Variants in ACMSD observed in about 807,000 individuals in gnomAD.
ACMSD encodes 2-amino-3-carboxymuconate-6-semialdehyde decarboxylase.
ACMSD carries 37 observed loss-of-function variants against 45.9 expected under a neutral mutation model. The ratio of observed to expected loss-of-function variants is 0.81; its 90% CI spans 0.62 to 1.06. The LOEUF (loss-of-function observed/expected upper bound fraction) is 1.06, where lower values mean the gene tolerates loss of function less well. Among genes scored for constraint, ACMSD ranks in the 50% least tolerant of loss-of-function variants. ACMSD has a pLI of 0.00. For synonymous variants in ACMSD, 138 were observed against 148.8 expected (o/e 0.93, Z 0.53); for missense variants, 434 against 420.9 (o/e 1.03, Z -0.27).
chr2:134,864,425 C>G (rs913430597), intron 5 of ACMSD, among the ~76,000 whole-genome samples: 1 of 152,104 alleles, frequency 6.6e-6, no homozygotes, highest in Non-Finnish European at 1.5e-5. Context: ...GCCACTGTTA[C>G]CATACATAGT....
chr2:134,895,178 C>T (rs572758575), intron 8 of ACMSD, among the ~76,000 whole-genome samples: 2 of 151,702 alleles, frequency 1.3e-5, no homozygotes, highest in South Asian at 2.1e-4. Context: ...TGGTGGCATG[C>T]ACCTGTAATC....
intron 9 of ACMSD, among the ~76,000 whole-genome samples, chr2:134,898,754 T>C (rs976208053): frequency 6.6e-5 from 10 of 152,184 alleles, no homozygotes; most frequent in South Asian, 6.2e-4. Flanking sequence ...ATATTACTTC[T>C]GTTACAAATC....
Position 134,867,672 on chromosome 2 carries a change from G to A in ACMSD, c.580G>A (p.Gly194Arg). The A allele has an allele frequency of 2.5e-6, 4 of 1,613,024 alleles. No homozygotes were observed. Among genetic ancestry groups the A allele is most frequent in the Non-Finnish European group, 3.4e-6 (4 of 1,179,344 alleles). ...CAAATACTGGCTCCCTTGGCTTGTAGGTTTGTGTCTGTGTGGGGTCTGGAA... is the reference window on the plus strand; with the variant it reads ...CAAATACTGGCTCCCTTGGCTTGTAAGTTTGTGTCTGTGTGGGGTCTGGAA... ...MAKYWLPWLV[G>R]MPAETTIAIC... Residue 194 changes from glycine (G) to arginine (R), a missense_variant and splice_region_variant, in exon 6 of 10, where the codon GGA (glycine) becomes AGA (arginine). Coordinates refer to ENST00000356140, the MANE Select transcript of ACMSD (RefSeq NM_138326.3).
At chr2:134,891,614 G>C (rs745691468) in intron 8 of ACMSD, among the ~76,000 whole-genome samples, 4 of 152,088 alleles carry the variant, frequency 2.6e-5, no homozygotes, top group Non-Finnish European at 4.4e-5. Context: ...CAAAGAAAAT[G>C]CTTATACACT....
chr2:134,841,998 A>G (rs1265935244), intron 1 of ACMSD, among the ~76,000 whole-genome samples: 1 of 152,174 alleles, frequency 6.6e-6, no homozygotes, highest in African/African-American at 2.4e-5. Context: ...GACATTAACA[A>G]TGTCATTCAG....
intron 2 of ACMSD, among the ~76,000 whole-genome samples, chr2:134,851,057 T>C (rs1055456353): frequency 2.0e-5 from 3 of 152,238 alleles, no homozygotes; most frequent in Non-Finnish European, 4.4e-5. Flanking sequence ...TGTTTGGTTT[T>C]CTGTTCCTGT....
At chr2:134,853,759 G>A (rs1248728235) in intron 2 of ACMSD, among the ~76,000 whole-genome samples, 1 of 152,070 alleles carries the variant, frequency 6.6e-6, no homozygotes, top group African/African-American at 2.4e-5. Context: ...CTGCTCTGCA[G>A]TGATTTTTAC....
chr2:134,852,038 G>A (rs1687369557), intron 2 of ACMSD, among the ~76,000 whole-genome samples: 1 of 152,100 alleles, frequency 6.6e-6, no homozygotes, highest in Non-Finnish European at 1.5e-5. Flanking sequence ...GTTTAAAGCT[G>A]GATGAATCGG....
chr2:134,888,182 T>C (rs1044950150), intron 8 of ACMSD, among the ~76,000 whole-genome samples: 13 of 152,142 alleles, frequency 8.5e-5, no homozygotes, highest in African/African-American at 3.1e-4. Flanking sequence ...TGATGAAAAG[T>C]CCAACAATCC....
intron 1 of ACMSD, among the ~76,000 whole-genome samples, chr2:134,840,178 AAAAAAAAAAAAAAAAC>A (rs1686724286): frequency 7.1e-6 from 1 of 141,776 alleles, no homozygotes; most frequent in Admixed American, 7.3e-5. Flanking sequence ...AAAAAAAAAA[AAAAAAAAAAAAAAAAC>A]CACTAATTCC....
chr2:134,878,572 C>T (rs1309175101), intron 8 of ACMSD, among the ~76,000 whole-genome samples: 1 of 152,152 alleles, frequency 6.6e-6, no homozygotes, highest in Admixed American at 6.5e-5. Context: ...AGTGATCCAC[C>T]CACCTCAGCC....
At position 134,863,466 on chromosome 2, in the gene ACMSD, C is replaced by A. The variant is rs529706023; in HGVS notation, c.321C>A (p.Tyr107Ter). 4.3e-6 allele frequency: 7 copies of A among 1,614,124 alleles called. No individual in the cohort carries two copies. Among genetic ancestry groups the A allele is most frequent in the African/African-American group, 4.0e-5 (3 of 74,944 alleles). ...ACCTTGCCAGCACCGTTGTGAGCTACCCCAGGAGGTTCGTGGGTCTGGGGA... is the reference window on the plus strand; with the variant it reads ...ACCTTGCCAGCACCGTTGTGAGCTAACCCAGGAGGTTCGTGGGTCTGGGGA... The part of the protein sequence containing the change: ...NNDLASTVVS[Y>*]PRRFVGLGTL... Residue 107 changes from tyrosine to a stop codon, truncating the protein, a stop_gained, in exon 5 of 10, where the codon TAC (tyrosine) becomes TAA (stop). Coordinates refer to ENST00000356140, the MANE Select transcript of ACMSD (RefSeq NM_138326.3). LOFTEE classifies it high-confidence loss of function.
At chr2:134,874,575 GA>G (rs1688636328) in intron 8 of ACMSD, among the ~76,000 whole-genome samples, 4 of 152,090 alleles carry the variant, frequency 2.6e-5, no homozygotes, top group Admixed American at 1.3e-4. Context: ...TGGAACTGAT[GA>G]ATTATTTGAT....
At chr2:134,882,107 G>A (rs1475277987) in intron 8 of ACMSD, among the ~76,000 whole-genome samples, 1 of 152,156 alleles carries the variant, frequency 6.6e-6, no homozygotes, top group Non-Finnish European at 1.5e-5. Flanking sequence ...GGTACAGTGA[G>A]ACTTGGTCTC....
intron 5 of ACMSD, among the ~76,000 whole-genome samples, chr2:134,866,991 C>T (rs536016638): frequency 8.9e-4 from 136 of 152,322 alleles, no homozygotes; most frequent in Admixed American, 2.7e-3. Flanking sequence ...CCAGGGATTC[C>T]ACCCAGTGCT....
rs189406373 is a variant in ACMSD, at chr2:134,901,597, A to G, written c.949-201A>G. 3.5e-4 allele frequency among the ~76,000 whole-genome samples: 53 copies of G among 152,288 alleles called. 1 individual carries two copies. The highest frequency in any genetic ancestry group is 3.4e-3 in the Middle Eastern group (1 of 294). Reference sequence around the variant, plus strand: ...CTTTATAAGTCTCTTCTCTCCCCCTACAATCAAGTTTCAGATTTAGATTTC... The same window carrying G: ...CTTTATAAGTCTCTTCTCTCCCCCTGCAATCAAGTTTCAGATTTAGATTTC... On this transcript the variant is annotated intron_variant, in intron 9 of 9. Transcript: ENST00000356140.
chr2:134,900,063 C>A (rs1334692087), intron 9 of ACMSD, among the ~76,000 whole-genome samples: 1 of 151,966 alleles, frequency 6.6e-6, no homozygotes. Context: ...AATTTTGAAC[C>A]ATGCGAAGGT....
chr2:134,856,124 A>G (rs2104840422), intron 2 of ACMSD, among the ~76,000 whole-genome samples: 1 of 152,334 alleles, frequency 6.6e-6, no homozygotes, highest in East Asian at 1.9e-4. Context: ...AGCGCTTTAT[A>G]TGGATTATCT....
In ACMSD at chr2:134,872,603, CCT is replaced by C. The variant is rs773449889; in HGVS notation, c.814_815del (p.Leu272ValfsTer13). 3.7e-6 allele frequency: 6 copies of C among 1,614,176 alleles called. No individual in the cohort carries two copies. The Admixed American group carries it at 1.0e-4, about 27-fold the overall frequency. ...SFYTDALVHD[P>X]LSLKLLTDVI... ...TTACACAGATGCTTTGGTTCATGAT[CCT>C]CTGTCCCTCAAGCTGTTAACAGATG... On this transcript the variant is annotated frameshift_variant, in exon 8 of 10. Coordinates refer to ENST00000356140, the MANE Select transcript of ACMSD (RefSeq NM_138326.3). LOFTEE classifies it high-confidence loss of function.
Sources: allele counts gnomAD v4.1 joint callset (sites outside exome capture counted in the v4.1 genomes callset), GRCh38; gene constraint gnomAD v4.1.1; transcripts MANE v1.5; gene names NCBI Gene and HGNC (gene_info 2026-07-23, HGNC 2026-07-21).